Variants in DISP1 observed in about 807,000 individuals in gnomAD.
DISP1 encodes the protein protein dispatched homolog 1.
Under a neutral mutation model 37.3 loss-of-function variants are expected in DISP1, and 30 were observed. The ratio of observed to expected loss-of-function variants is 0.80; its 90% CI spans 0.60 to 1.09. The LOEUF (loss-of-function observed/expected upper bound fraction) is 1.09. Ranked by LOEUF, DISP1 falls within the 50% of genes least tolerant of loss-of-function variation. DISP1 has a pLI of 0.00. For synonymous variants in DISP1, 634 were observed against 690.2 expected (o/e 0.92, Z 1.28); for missense variants, 1,598 against 1,879.5 (o/e 0.85, Z 2.77).
intron 1 of DISP1, among the ~76,000 whole-genome samples, chr1:222,898,244 A>G (rs1370481700): frequency 6.6e-6 from 1 of 152,184 alleles, no homozygotes; most frequent in East Asian, 1.9e-4. Flanking sequence ...AGTTGAAGCC[A>G]GTATCAAAAT....
chr1:222,937,141 G>A (rs925433761), intron 2 of DISP1, among the ~76,000 whole-genome samples: 4 of 145,654 alleles, frequency 2.7e-5, no homozygotes. Flanking sequence ...CCAGGCTGGA[G>A]TGCAGTGGCG....
intron 3 of DISP1, among the ~76,000 whole-genome samples, chr1:222,972,480 T>C (rs1353334283): frequency 6.6e-6 from 1 of 152,098 alleles, no homozygotes; most frequent in Admixed American, 6.5e-5. Context: ...CCACTTCCTA[T>C]TTCTATTATC....
At chr1:222,824,600 T>C (rs910562884) in intron 1 of DISP1, among the ~76,000 whole-genome samples, 4 of 152,214 alleles carry the variant, frequency 2.6e-5, no homozygotes, top group African/African-American at 9.6e-5. Context: ...CTTTAAGTAT[T>C]TGTTAAATGT....
At chr1:222,909,544 T>C (rs1672095372) in intron 1 of DISP1, among the ~76,000 whole-genome samples, 2 of 152,240 alleles carry the variant, frequency 1.3e-5, no homozygotes, top group African/African-American at 2.4e-5. Context: ...TCTTCTGTAG[T>C]TGGCACCATG....
intron 1 of DISP1, among the ~76,000 whole-genome samples, chr1:222,880,650 G>A (rs1670222494): frequency 6.6e-6 from 1 of 152,220 alleles, no homozygotes; most frequent in South Asian, 2.1e-4. Context: ...CAAAGAGTGG[G>A]CAACATTTTC....
At chr1:222,884,866 C>G (rs139181179) in intron 1 of DISP1, among the ~76,000 whole-genome samples, 149 of 152,300 alleles carry the variant, frequency 9.8e-4, no homozygotes, top group Middle Eastern at 3.4e-3. Context: ...GAGACGGAGT[C>G]TCGCTGTGTG....
chr1:222,919,402 A>T (rs1479318972), intron 1 of DISP1, among the ~76,000 whole-genome samples: 1 of 151,654 alleles, frequency 6.6e-6, no homozygotes, highest in African/African-American at 2.4e-5. Context: ...TGAACCTGTG[A>T]TCAATCAAAC....
intron 2 of DISP1, among the ~76,000 whole-genome samples, chr1:222,941,927 T>C (rs1389528148): frequency 1.3e-5 from 2 of 151,976 alleles, no homozygotes; most frequent in African/African-American, 4.8e-5. Context: ...TTTTTTTTTT[T>C]TTACTGTGAA....
Position 222,968,838 on chromosome 1 carries a change from C to T in DISP1, c.510-14242C>T, listed in dbSNP as rs970049016. ...ATCCCAGCTACTTGGGAGTCTGAGG[C>T]AGGAGAATCGCTTGAGCTTGGGAGG... is the stretch of plus-strand genomic sequence containing the variant. On this transcript the variant is annotated intron_variant, in intron 3 of 8. Coordinates refer to ENST00000675850, the MANE Select transcript of DISP1 (RefSeq NM_001377229.1). 5.9e-5 allele frequency among the ~76,000 whole-genome samples: 9 copies of T among 151,866 alleles called. No homozygotes were observed. The South Asian group carries it at 1.9e-3, about 32-fold the overall frequency.
intron 1 of DISP1, among the ~76,000 whole-genome samples, chr1:222,876,148 A>G (rs1181578975): frequency 6.6e-6 from 1 of 152,224 alleles, no homozygotes; most frequent in African/African-American, 2.4e-5. Context: ...CATCTGCCAC[A>G]GACAAATGTT....
intron 3 of DISP1, among the ~76,000 whole-genome samples, chr1:222,981,843 A>G (rs1229563983): frequency 6.6e-6 from 1 of 152,206 alleles, no homozygotes; most frequent in Non-Finnish European, 1.5e-5. Flanking sequence ...AGGCAATTCA[A>G]TTATTCAGTC....
intron 7 of DISP1, 131 bp downstream of exon 7, chr1:222,992,241 A>G: frequency 1.3e-6 from 1 of 773,016 alleles, no homozygotes. Context: ...GAACCTAAAG[A>G]AATTTTGGCT....
At chr1:222,948,817 G>A (rs1468225844) in intron 3 of DISP1, among the ~76,000 whole-genome samples, 1 of 152,102 alleles carries the variant, frequency 6.6e-6, no homozygotes, top group Non-Finnish European at 1.5e-5. Flanking sequence ...ATTGTTATTT[G>A]CACCTATACC....
intron 1 of DISP1, among the ~76,000 whole-genome samples, chr1:222,924,043 G>A (rs1014679233): frequency 6.6e-6 from 1 of 152,198 alleles, no homozygotes; most frequent in Non-Finnish European, 1.5e-5. Context: ...TGTAAAAATT[G>A]TAGATTTTAG....
intron 1 of DISP1, among the ~76,000 whole-genome samples, chr1:222,901,662 G>A (rs546315178): frequency 1.3e-5 from 2 of 152,182 alleles, no homozygotes; most frequent in South Asian, 4.2e-4. Flanking sequence ...TGAGTAGCTG[G>A]GATTGCAGGC....
Position 223,005,429 on chromosome 1 carries a change from A to G in DISP1, c.4032A>G (p.Pro1344=). Reference sequence around the variant, plus strand: ...CCTGCCTGCAGGGCAGAGTAAAGCCAGCCGGAATGCAGAATTCTCTGCCTA... The same window carrying G: ...CCTGCCTGCAGGGCAGAGTAAAGCCGGCCGGAATGCAGAATTCTCTGCCTA... ...HCPCLQGRVK[P]AGMQNSLPRN... Residue 1344 remains proline (P), a synonymous_variant, in exon 9 of 9, where the codon CCA becomes CCG. Coordinates refer to ENST00000675850, the MANE Select transcript of DISP1 (RefSeq NM_001377229.1). 1.2e-6 allele frequency: 2 copies of G among 1,613,614 alleles called. No homozygotes were observed. Among genetic ancestry groups the G allele is most frequent in the Non-Finnish European group, 1.7e-6 (2 of 1,180,038 alleles).
intron 1 of DISP1, among the ~76,000 whole-genome samples, chr1:222,851,482 C>A (rs556775210): frequency 6.6e-6 from 1 of 152,256 alleles, no homozygotes; most frequent in Non-Finnish European, 1.5e-5. Context: ...CCTTCCCTCC[C>A]AGCTGATTTG....
rs1379691427 is a variant in DISP1 at position 223,004,544 on chromosome 1, T to G, written c.3147T>G (p.Ser1049=). ...CCATTTCGGTTGCCGTCGGCTTGTC[T>G]GTAGACTTTGCCGTCCATTATGGGG... The part of the protein sequence containing the change: ...SVTISVAVGL[S]VDFAVHYGVA... The change falls in exon 9 of 9, where the codon TCT becomes TCG. Residue 1049 remains serine (S), a synonymous_variant. Transcript: ENST00000675850. The surrounding 1 kb of genome is among the most constrained non-coding windows in gnomAD (Gnocchi z 4.9). The G allele has an allele frequency of 6.2e-7, 1 of 1,614,116 alleles. No homozygotes were observed. Among genetic ancestry groups the G allele is most frequent in the East Asian group, 2.2e-5 (1 of 44,904 alleles).
Position 223,005,788 on chromosome 1 carries a change from T to G in DISP1, c.4391T>G (p.Phe1464Cys). Residue 1464 changes from phenylalanine to cysteine, a missense_variant, in exon 9 of 9, where the codon TTT becomes TGT. Coordinates refer to ENST00000675850, the MANE Select transcript of DISP1 (RefSeq NM_001377229.1). ...AATCAGAATGAACCAAAAGTCCTATTTAATCATTTAATGGGGGAGGCTGGT... is the reference window on the plus strand; with the variant it reads ...AATCAGAATGAACCAAAAGTCCTATGTAATCATTTAATGGGGGAGGCTGGT... ...HFNQNEPKVL[F>C]NHLMGEAGCR... 6.2e-7 allele frequency: 1 copy of G among 1,614,190 alleles called. No homozygotes were observed. The highest frequency in any genetic ancestry group is 8.5e-7 in the Non-Finnish European group (1 of 1,180,036).
Sources: allele counts gnomAD v4.1 joint callset (sites outside exome capture counted in the v4.1 genomes callset), GRCh38; gene constraint gnomAD v4.1.1; non-coding constraint Gnocchi (gnomAD v3.1); transcripts MANE v1.5; gene names NCBI Gene and HGNC (gene_info 2026-07-23, HGNC 2026-07-21).